SLC2A8: variants seen among roughly 807,000 people sequenced by gnomAD.
SLC2A8 encodes the protein solute carrier family 2 member 8.
Under a neutral mutation model 49.2 loss-of-function variants are expected in SLC2A8, and 53 were observed. That is an observed-to-expected ratio of 1.08 (90% confidence interval 0.86 to 1.35). SLC2A8 has a LOEUF of 1.35. Among genes scored for constraint, SLC2A8 ranks in the 40% most tolerant of loss-of-function variants. SLC2A8 has a pLI of 0.00. For missense variants in SLC2A8, 688 were observed against 671.7 expected, an observed-to-expected ratio of 1.02 and a Z score of -0.27; for synonymous variants, 299 against 297.0, an observed-to-expected ratio of 1.01 and a Z score of -0.07.
In SLC2A8 at chr9:127,407,134, C is replaced by T; in HGVS notation, c.1319C>T (p.Ala440Val). 6.2e-7 allele frequency: 1 copy of T among 1,613,578 alleles called. No homozygotes were observed. ...CAGGAGGTCCTCAGGCCCTATGGAG[C>T]CTTCTGGCTTGCCTCCGCTTTCTGC... ...SLMEVLRPYGAFWLASAFCIF... is the reference protein window; with the variant it reads ...SLMEVLRPYGVFWLASAFCIF... The change falls in exon 10 of 10, where the codon GCC becomes GTC. Residue 440 changes from alanine (A) to valine (V), a missense_variant. Physicochemically the swap from Ala to Val is moderately conservative, Grantham distance 64. Transcript: ENST00000373371.
chr9:127,399,982 G>C lies in SLC2A8; in HGVS notation c.502G>C (p.Gly168Arg), dbSNP rs759284880. 5.0e-6 allele frequency: 8 copies of C among 1,613,490 alleles called. No individual in the cohort carries two copies. The highest frequency in any genetic ancestry group is 1.1e-5 in the South Asian group (1 of 91,082). Residue 168 changes from glycine (G) to arginine (R), a missense_variant, in exon 4 of 10, where the codon GGC becomes CGC. Gly to Arg is a moderately radical substitution (Grantham distance 125). Coordinates refer to ENST00000373371, the MANE Select transcript of SLC2A8 (RefSeq NM_014580.5). The surrounding 1 kb of genome is among the most constrained non-coding windows in gnomAD (Gnocchi z 4.2). ...GSCVQLMVVV[G>R]ILLAYLAGWV... ...CTGTGTGCAGCTAATGGTCGTCGTC[G>C]GCATCCTCCTGGCCTACCTGGCAGG...
chr9:127,406,443 C>A (rs1483004509), intron 9 of SLC2A8, among the ~76,000 whole-genome samples: 1 of 151,924 alleles, frequency 6.6e-6, no homozygotes, highest in Admixed American at 6.5e-5. Flanking sequence ...GGAGGGGATG[C>A]GCAGCAAAGG....
chr9:127,402,512 C>CCA, intron 4 of SLC2A8, 45 bp from the exon 5 acceptor site: 1 of 1,460,120 alleles, frequency 6.8e-7, no homozygotes, highest in Non-Finnish European at 9.0e-7. Flanking sequence ...CCCAGGCTGG[C>CCA]TCACCCTGGC....
Position 127,405,410 on chromosome 9 carries a change from G to A in SLC2A8, c.1151-10G>A, listed in dbSNP as rs377670886. The A allele has an allele frequency of 1.6e-5, 26 of 1,611,790 alleles. No homozygotes were observed. The highest frequency in any genetic ancestry group is 1.5e-4 in the Admixed American group (9 of 59,996). On this transcript the variant is annotated splice_polypyrimidine_tract_variant and intron_variant, in intron 8 of 9. Coordinates refer to ENST00000373371, the MANE Select transcript of SLC2A8 (RefSeq NM_014580.5). ...CCCTGATGCCTGTCTTGCCTGTCTC[G>A]CTCCCACAGGCTTTGCGGTGGGCTG...
intron 9 of SLC2A8, chr9:127,405,904 T>C (rs1833475593): frequency 3.7e-6 from 2 of 547,426 alleles, no homozygotes; most frequent in Admixed American, 3.9e-5. Context: ...CCACCCTGGC[T>C]ACTTCCTTGC....
intron 9 of SLC2A8, among the ~76,000 whole-genome samples, chr9:127,406,351 A>G (rs1300643501): frequency 2.0e-5 from 3 of 151,958 alleles, no homozygotes; most frequent in African/African-American, 7.3e-5. Flanking sequence ...AGAGCTTGGG[A>G]CCCGCTTAGG....
In SLC2A8 at chr9:127,399,936, A is replaced by C. The variant is rs777841014; in HGVS notation, c.456A>C (p.Ala152=). 1.8e-4 allele frequency: 294 copies of C among 1,613,656 alleles called. No homozygotes were observed. Among genetic ancestry groups the C allele is most frequent in the Non-Finnish European group, 2.4e-4 (287 of 1,179,832 alleles). ...PVYISEIAYP[A]VRGLLGSCVQ... ...ACATCTCCGAAATCGCCTACCCAGC[A>C]GTCCGGGGGTTGCTCGGCTCCTGTG... The change falls in exon 4 of 10, where the codon GCA becomes GCC. Residue 152 remains alanine, a synonymous_variant. Transcript: ENST00000373371. The surrounding 1 kb of genome is among the most constrained non-coding windows in gnomAD (Gnocchi z 4.2).
rs751464886 is a variant in SLC2A8, at chr9:127,398,070, C to G, written c.385C>G (p.Leu129Val). The G allele has an allele frequency of 1.9e-6, 3 of 1,589,178 alleles. No homozygotes were observed. The Admixed American group carries it at 5.1e-5, about 27-fold the overall frequency. Residue 129 changes from leucine (L) to valine (V), a missense_variant, in exon 3 of 10, where the codon CTC becomes GTC. Leu to Val is a conservative substitution (Grantham distance 32). Coordinates refer to ENST00000373371, the MANE Select transcript of SLC2A8 (RefSeq NM_014580.5). ...DVWMLLGGRL[L>V]TGLACGVASL... ...GTGGATGCTGCTGGGGGGCCGCCTCCTCACCGGCCTGGCCTGCGGTGTTGC... is the reference window on the plus strand; with the variant it reads ...GTGGATGCTGCTGGGGGGCCGCCTCGTCACCGGCCTGGCCTGCGGTGTTGC...
In SLC2A8 at chr9:127,399,349, G is replaced by A. The variant is rs529869385; in HGVS notation, c.427-558G>A. On this transcript the variant is annotated intron_variant, in intron 3 of 9. Transcript: ENST00000373371. The surrounding 1 kb of genome is among the most constrained non-coding windows in gnomAD (Gnocchi z 4.2). ...AGAAGCTCTGTGCCCACCGCCTCTC[G>A]TCATCATATGCAGCCCTCTCCGTTA... Among the ~76,000 whole-genome samples, 38 of 152,230 alleles carry A rather than the reference G, an allele frequency of 2.5e-4. No individual in the cohort carries two copies. Among genetic ancestry groups the A allele is most frequent in the African/African-American group, 8.4e-4 (35 of 41,524 alleles).
chr9:127,404,140 A>C (rs184378787), intron 7 of SLC2A8, 73 bp downstream of exon 7: 7 of 1,023,232 alleles, frequency 6.8e-6, no homozygotes, highest in Non-Finnish European at 1.0e-5. Context: ...ACACTGCAGG[A>C]GGAGGACAGG....
chr9:127,403,746 G>C lies in SLC2A8; in HGVS notation c.810G>C (p.Ser270=), dbSNP rs199545728. The C allele has an allele frequency of 2.9e-4, 474 of 1,613,158 alleles. No individual in the cohort carries two copies. The highest frequency in any genetic ancestry group is 3.9e-4 in the Non-Finnish European group (461 of 1,179,920). ...CCCTGATGGCCTTCCAGCAGCTGTC[G>C]GGGGTCAACGCCGTCATGTTCTATG... ...GVSLMAFQQL[S]GVNAVMFYAE... Residue 270 remains serine (S), a synonymous_variant, in exon 6 of 10, where the codon TCG becomes TCC. Coordinates refer to ENST00000373371, the MANE Select transcript of SLC2A8 (RefSeq NM_014580.5).
chr9:127,402,550 C>G lies in SLC2A8; in HGVS notation c.527-7C>G. On this transcript the variant is annotated splice_region_variant and splice_polypyrimidine_tract_variant and intron_variant, in intron 4 of 9. Transcript: ENST00000373371. Reference sequence around the variant, plus strand: ...TGACGCCAGCCTCCTCCACCCACCCCCCGCAGGCTGGGTGCTGGAGTGGCG... The same window carrying G: ...TGACGCCAGCCTCCTCCACCCACCCGCCGCAGGCTGGGTGCTGGAGTGGCG... 1 of 1,523,290 alleles carries G rather than the reference C, an allele frequency of 6.6e-7. No individual in the cohort carries two copies. The highest frequency in any genetic ancestry group is 1.2e-5 in the South Asian group (1 of 80,912). 94.4% of individuals were successfully genotyped at this position (1,523,290 alleles called of 1,614,324 possible).
chr9:127,405,663 C>T lies in SLC2A8; in HGVS notation c.1296+98C>T, dbSNP rs1317301817. The T allele has an allele frequency of 3.4e-6, 5 of 1,476,936 alleles. No individual in the cohort carries two copies. In the Admixed American group the frequency reaches 9.4e-5, roughly 28 times the overall value. 91.5% of individuals were successfully genotyped at this position (1,476,936 alleles called of 1,614,324 possible). ...CAGAAGACCCAGGGTCGTGGCCTTA[C>T]ATGCAGCCTGAGCCCCACCATGCCT... On this transcript the variant is annotated intron_variant, in intron 9 of 9. Coordinates refer to ENST00000373371, the MANE Select transcript of SLC2A8 (RefSeq NM_014580.5).
At chr9:127,402,309 C>T (rs1833318028) in intron 4 of SLC2A8, 4 of 465,380 alleles carry the variant, frequency 8.6e-6, no homozygotes, top group Admixed American at 4.0e-5. Context: ...ATAAATGTTT[C>T]GTTGAACGGA....
At chr9:127,403,578 C>A in intron 5 of SLC2A8, 82 bp from the exon 6 acceptor site, 1 of 1,565,746 alleles carries the variant, frequency 6.4e-7, no homozygotes, top group East Asian at 2.2e-5. Context: ...GCTCCCCAAG[C>A]CTTAGGACAG....
At chr9:127,400,951 C>G (rs1402657872) in intron 4 of SLC2A8, among the ~76,000 whole-genome samples, 1 of 152,132 alleles carries the variant, frequency 6.6e-6, no homozygotes, top group Non-Finnish European at 1.5e-5. Context: ...AAAAATTAGC[C>G]AGGCGTGGTG....
Position 127,404,082 on chromosome 9 carries a change from C to A in SLC2A8, c.976+15C>A. On this transcript the variant is annotated intron_variant, in intron 7 of 9. Transcript: ENST00000373371. Reference sequence around the variant, plus strand: ...GGTCTTGTCAGGTGAGGGTTCACCCCTGTGCAGCCTCCCCGCCATGCGGGG... The same window carrying A: ...GGTCTTGTCAGGTGAGGGTTCACCCATGTGCAGCCTCCCCGCCATGCGGGG... 2 of 1,539,776 alleles carry A rather than the reference C, an allele frequency of 1.3e-6. No homozygotes were observed. The highest frequency in any genetic ancestry group is 2.3e-5 in the South Asian group (2 of 85,654).
At chr9:127,405,655 T>G (rs1833468482) in intron 9 of SLC2A8, 90 bp downstream of exon 9, 1 of 1,506,778 alleles carries the variant, frequency 6.6e-7, no homozygotes, top group East Asian at 2.3e-5. Flanking sequence ...CCCAGGGTCG[T>G]GGCCTTACAT....
intron 4 of SLC2A8, among the ~76,000 whole-genome samples, chr9:127,401,079 A>G (rs1320045387): frequency 6.6e-6 from 1 of 152,232 alleles, no homozygotes; most frequent in Non-Finnish European, 1.5e-5. Context: ...TGGGCGACAC[A>G]GTGAGACTCT....
Sources: gnomAD v4.1 joint callset for allele counts (sites outside exome capture counted in the v4.1 genomes callset) on GRCh38, gnomAD v4.1.1 for gene constraint, Gnocchi (gnomAD v3.1) non-coding constraint, MANE v1.5 for transcripts, NCBI Gene and HGNC (gene_info 2026-07-23, HGNC 2026-07-21) for gene names.